PPP3CA: variants seen among roughly 807,000 people sequenced by gnomAD.
The protein encoded by PPP3CA is protein phosphatase 3 catalytic subunit alpha.
Under a neutral mutation model 66.5 loss-of-function variants are expected in PPP3CA, and 14 were observed. The observed-to-expected ratio is 0.21, with a 90% CI of 0.14 to 0.33. The LOEUF is 0.33. Ranked by LOEUF, PPP3CA falls within the 10% of genes least tolerant of loss-of-function variation. The pLI is 1.00. For synonymous variants in PPP3CA, 232 were observed against 226.2 expected, an observed-to-expected ratio of 1.03 and a Z score of -0.23; for missense variants, 317 against 639.5, an observed-to-expected ratio of 0.50 and a Z score of 5.44.
intron 2 of PPP3CA, among the ~76,000 whole-genome samples, chr4:101,161,167 C>T (rs1723495356): frequency 6.6e-6 from 1 of 152,116 alleles, no homozygotes; most frequent in Non-Finnish European, 1.5e-5. Flanking sequence ...AAGCAATAGG[C>T]TACATCACAT....
At chr4:101,319,659 C>T (rs1160811493) in intron 1 of PPP3CA, among the ~76,000 whole-genome samples, 3 of 152,032 alleles carry the variant, frequency 2.0e-5, no homozygotes, top group African/African-American at 4.8e-5. Context: ...AGAAATCTCA[C>T]AAATCAGTTA....
chr4:101,278,933 G>A (rs1727597072), intron 1 of PPP3CA, among the ~76,000 whole-genome samples: 1 of 152,022 alleles, frequency 6.6e-6, no homozygotes, highest in Admixed American at 6.6e-5. Flanking sequence ...TTCTATGCAG[G>A]CCCATTTTTA....
chr4:101,339,760 C>T (rs931697694), intron 1 of PPP3CA, among the ~76,000 whole-genome samples: 1 of 152,118 alleles, frequency 6.6e-6, no homozygotes, highest in Non-Finnish European at 1.5e-5. Context: ...AGACAATGAC[C>T]ATTTTTTCCA....
chr4:101,025,848 A>ATTT lies in PPP3CA; in HGVS notation c.*16_*17insAAA. On this transcript the variant is annotated 3_prime_UTR_variant, in exon 14 of 14. Transcript: ENST00000394854. ...AAAAAAAAAAAAAAAAAAAAAAAAA[A>ATTT]AGTGAACAGGAAGTGGTCACTGAAT... is the stretch of plus-strand genomic sequence containing the variant. 8 of 1,340,504 alleles carry ATTT rather than the reference A, an allele frequency of 6.0e-6. No individual in the cohort carries two copies. Among genetic ancestry groups the ATTT allele is most frequent in the South Asian group, 1.7e-5 (1 of 60,412 alleles). The allele number at this position is 1,340,504 out of a possible 1,614,324, so 83.0% of individuals were successfully genotyped here. A position where few individuals can be genotyped will look rare whatever the true frequency, so the allele number is the denominator to read the frequency against.
intron 10 of PPP3CA, among the ~76,000 whole-genome samples, chr4:101,056,187 G>A (rs1728215419): frequency 6.6e-6 from 1 of 150,826 alleles, no homozygotes; most frequent in Non-Finnish European, 1.5e-5. Context: ...CACTTTATAT[G>A]TAAAATAAGG....
chr4:101,171,193 C>G (rs749682139), intron 2 of PPP3CA: 11 of 455,740 alleles, frequency 2.4e-5, no homozygotes, highest in Non-Finnish European at 3.5e-5. Flanking sequence ...CCGTTTTTAC[C>G]TTGGTGTGTG....
intron 2 of PPP3CA, among the ~76,000 whole-genome samples, chr4:101,115,378 C>A (rs1245842953): frequency 6.6e-6 from 1 of 151,888 alleles, no homozygotes; most frequent in Non-Finnish European, 1.5e-5. Context: ...ATCTTCTATC[C>A]AGAGAGATGC....
chr4:101,097,761 T>A (rs557676522), intron 5 of PPP3CA, among the ~76,000 whole-genome samples: 5 of 152,286 alleles, frequency 3.3e-5, no homozygotes, highest in African/African-American at 1.2e-4. Flanking sequence ...CACTTCCACA[T>A]TCAATGTAAC....
At chr4:101,277,468 C>T (rs547773572) in intron 1 of PPP3CA, among the ~76,000 whole-genome samples, 1 of 152,110 alleles carries the variant, frequency 6.6e-6, no homozygotes, top group South Asian at 2.1e-4. Flanking sequence ...TTTAAATGTC[C>T]CAATTTGACA....
chr4:101,289,321 T>C (rs948191000), intron 1 of PPP3CA, among the ~76,000 whole-genome samples: 3 of 152,242 alleles, frequency 2.0e-5, no homozygotes, highest in Admixed American at 2.0e-4. Context: ...CATTTCCACA[T>C]GCTCCACATA....
chr4:101,309,476 A>T (rs1286784534), intron 1 of PPP3CA, among the ~76,000 whole-genome samples: 1 of 151,542 alleles, frequency 6.6e-6, no homozygotes, highest in Non-Finnish European at 1.5e-5. Flanking sequence ...TAAAAAGCAA[A>T]GCGGGTGGGG....
chr4:101,185,722 T>C (rs1290827016), intron 2 of PPP3CA, among the ~76,000 whole-genome samples: 1 of 152,204 alleles, frequency 6.6e-6, no homozygotes, highest in Non-Finnish European at 1.5e-5. Context: ...CAATGGTTTA[T>C]GGCCACCTTC....
At chr4:101,047,414 G>T (rs1727815364) in intron 10 of PPP3CA, among the ~76,000 whole-genome samples, 3 of 152,076 alleles carry the variant, frequency 2.0e-5, no homozygotes, top group Admixed American at 2.0e-4. Flanking sequence ...AACATTATGA[G>T]ATTAAAATGA....
At position 101,023,567 on chromosome 4, in the gene PPP3CA, G is replaced by A. The variant is rs1726480665; in HGVS notation, c.*2298C>T. On this transcript the variant is annotated 3_prime_UTR_variant, in exon 14 of 14. Transcript: ENST00000394854. ...TTATAAGAAAGAAAATAAACACCAT[G>A]ATACCAGAATCACCATTTCTTTCAC... The A allele has an allele frequency of 6.6e-6, 1 of 152,352 alleles. No homozygotes were observed. The highest frequency in any genetic ancestry group is 2.1e-4 in the South Asian group (1 of 4,826). The allele number at this position is 152,352 out of a possible 1,614,324, so 9.4% of individuals were successfully genotyped here.
intron 1 of PPP3CA, among the ~76,000 whole-genome samples, chr4:101,228,596 GA>G (rs113903702): frequency 2.7e-5 from 4 of 150,942 alleles, no homozygotes; most frequent in African/African-American, 7.3e-5. Context: ...CATATTTAGG[GA>G]AAAAAAATCT....
rs185111172 is a variant in PPP3CA at position 101,181,341 on chromosome 4, T to C, written c.259+14575A>G. 7.2e-4 allele frequency among the ~76,000 whole-genome samples: 110 copies of C among 152,122 alleles called. 1 individual carries two copies. Among genetic ancestry groups the C allele is most frequent in the African/African-American group, 2.6e-3 (109 of 41,520 alleles). On this transcript the variant is annotated intron_variant, in intron 2 of 13. Coordinates refer to ENST00000394854, the MANE Select transcript of PPP3CA (RefSeq NM_000944.5). The stretch of plus-strand genomic sequence containing the variant: ...AAGGAATTTAACATCAGAAAAGATA[T>C]CAAATACTCAATACTCTAAAAACCT...
At chr4:101,106,453 G>GAAAGAA (rs775018059) in intron 3 of PPP3CA, among the ~76,000 whole-genome samples, 2 of 35,512 alleles carry the variant, frequency 5.6e-5, no homozygotes, top group East Asian at 7.6e-4. Flanking sequence ...AAGAAAGAAA[G>GAAAGAA]AGAAAAGAAA....
chr4:101,085,013 A>C (rs1729600511), intron 6 of PPP3CA, among the ~76,000 whole-genome samples: 1 of 152,120 alleles, frequency 6.6e-6, no homozygotes, highest in Admixed American at 6.6e-5. Flanking sequence ...CGACCTTTCC[A>C]GGTAAGTGTG....
chr4:101,121,904 T>C (rs1461582348), intron 2 of PPP3CA, among the ~76,000 whole-genome samples: 1 of 152,080 alleles, frequency 6.6e-6, no homozygotes, highest in Non-Finnish European at 1.5e-5. Context: ...AAGGAGACAC[T>C]GACGTTTGAC....
Sources: allele counts gnomAD v4.1 joint callset (sites outside exome capture counted in the v4.1 genomes callset), GRCh38; gene constraint gnomAD v4.1.1; transcripts MANE v1.5; gene names NCBI Gene and HGNC (gene_info 2026-07-23, HGNC 2026-07-21).